RAMP1: variants seen among roughly 807,000 people sequenced by gnomAD.
RAMP1 encodes receptor activity modifying protein 1.
A neutral mutation model predicts 8.2 loss-of-function variants in RAMP1; 7 were observed. The observed-to-expected ratio is 0.85, with a 90% CI of 0.49 to 1.60. The LOEUF (loss-of-function observed/expected upper bound fraction) is 1.60. Among genes scored for constraint, RAMP1 ranks in the 40% most tolerant of loss-of-function variants. The probability of loss-of-function intolerance (pLI) is 0.00; values close to 1 mark genes in which losing one functional copy is unlikely to be tolerated. For missense variants in RAMP1, 192 were observed against 202.4 expected (o/e 0.95, Z 0.31); for synonymous variants, 92 against 84.7 (o/e 1.09, Z -0.47).
In RAMP1 at chr2:237,895,195, C is replaced by T. The variant is rs570666548; in HGVS notation, c.192-16333C>T. On this transcript the variant is annotated intron_variant, in intron 2 of 2. Coordinates refer to ENST00000254661, the MANE Select transcript of RAMP1 (RefSeq NM_005855.4). Reference sequence around the variant, plus strand: ...GAGTCAGGAGCGAGACAGGAGGCCACGTGTTGCCTGCCTGTGTGGGGCTCC... The same window carrying T: ...GAGTCAGGAGCGAGACAGGAGGCCATGTGTTGCCTGCCTGTGTGGGGCTCC... Among the ~76,000 whole-genome samples the T allele has an allele frequency of 5.9e-5, 9 of 152,258 alleles. No homozygotes were observed. The South Asian group carries it at 1.2e-3, about 21-fold the overall frequency.
chr2:237,909,895 C>G (rs1043485162), intron 2 of RAMP1, among the ~76,000 whole-genome samples: 3 of 152,054 alleles, frequency 2.0e-5, no homozygotes, highest in African/African-American at 7.2e-5. Context: ...GCTGTGGCTT[C>G]GAGGGTTAAA....
intron 2 of RAMP1, among the ~76,000 whole-genome samples, chr2:237,887,352 G>A (rs1454079297): frequency 2.6e-5 from 4 of 152,226 alleles, no homozygotes; most frequent in South Asian, 2.1e-4. Flanking sequence ...CCAGGGAGCA[G>A]TGGCACCTCA....
chr2:237,881,248 CCTT>C (rs2062364843), intron 2 of RAMP1, among the ~76,000 whole-genome samples: 1 of 152,206 alleles, frequency 6.6e-6, no homozygotes, highest in South Asian at 2.1e-4. Flanking sequence ...GGAGCCTCCT[CCTT>C]CATTTTTACA....
At chr2:237,864,947 C>G (rs1040729866) in intron 1 of RAMP1, among the ~76,000 whole-genome samples, 1 of 152,140 alleles carries the variant, frequency 6.6e-6, no homozygotes, top group South Asian at 2.1e-4. Context: ...GGCTTTGAGC[C>G]GAAGCTGGTG....
At chr2:237,859,984 G>A (rs2062116914) in intron 1 of RAMP1, 1 of 407,382 alleles carries the variant, frequency 2.5e-6, no homozygotes, top group Admixed American at 4.7e-5. Flanking sequence ...TCGGAGAGCG[G>A]GCATTCTGGA....
intron 2 of RAMP1, among the ~76,000 whole-genome samples, chr2:237,908,322 C>A (rs1028413355): frequency 1.3e-5 from 2 of 152,152 alleles, no homozygotes; most frequent in East Asian, 3.9e-4. Context: ...GCCCTTCACC[C>A]CAGCATTCCT....
intron 1 of RAMP1, among the ~76,000 whole-genome samples, chr2:237,861,188 G>A (rs1038274517): frequency 6.6e-6 from 1 of 152,086 alleles, no homozygotes; most frequent in South Asian, 2.1e-4. Flanking sequence ...ACTATGTCAC[G>A]ATCACATATA....
intron 1 of RAMP1, among the ~76,000 whole-genome samples, chr2:237,868,626 T>C (rs2062213804): frequency 6.6e-6 from 1 of 151,246 alleles, no homozygotes; most frequent in Non-Finnish European, 1.5e-5. Context: ...TTACTTACTC[T>C]ACACTTTTTC....
intron 2 of RAMP1, among the ~76,000 whole-genome samples, chr2:237,904,578 A>G (rs2062635718): frequency 6.6e-6 from 1 of 152,230 alleles, no homozygotes; most frequent in Non-Finnish European, 1.5e-5. Context: ...ACTGCACTCC[A>G]GCCCGAGCAA....
At chr2:237,868,187 G>A (rs977746324) in intron 1 of RAMP1, among the ~76,000 whole-genome samples, 2 of 152,020 alleles carry the variant, frequency 1.3e-5, no homozygotes, top group African/African-American at 4.8e-5. Flanking sequence ...GGGATTACTG[G>A]TGCCTGCCAC....
chr2:237,905,653 A>G (rs1278243504), intron 2 of RAMP1, among the ~76,000 whole-genome samples: 1 of 152,196 alleles, frequency 6.6e-6, no homozygotes, highest in African/African-American at 2.4e-5. Flanking sequence ...TCTGCAGAAC[A>G]CCAAAAACTA....
intron 2 of RAMP1, among the ~76,000 whole-genome samples, chr2:237,909,025 C>T (rs777736095): frequency 1.2e-4 from 18 of 152,144 alleles, no homozygotes; most frequent in Non-Finnish European, 2.1e-4. Context: ...ATCATGGATA[C>T]GGGGGTGAAG....
At chr2:237,870,711 G>C (rs2062236511) in intron 1 of RAMP1, among the ~76,000 whole-genome samples, 1 of 152,198 alleles carries the variant, frequency 6.6e-6, no homozygotes, top group Non-Finnish European at 1.5e-5. Context: ...CAGGACCAAG[G>C]CTGGGGAGGA....
At chr2:237,911,497 A>G (rs377721152) in intron 2 of RAMP1, 31 bp from the exon 3 acceptor site, 3 of 1,609,682 alleles carry the variant, frequency 1.9e-6, no homozygotes, top group African/African-American at 1.3e-5. Context: ...CCGCCTGCCC[A>G]GGGTCTTACC....
rs2062721276 is a variant in RAMP1, at chr2:237,911,994, G to A, written c.*211G>A. 1 of 790,804 alleles carries A rather than the reference G, an allele frequency of 1.3e-6. No individual in the cohort carries two copies. The highest frequency in any genetic ancestry group is 2.7e-5 in the East Asian group (1 of 36,760). 49.0% of individuals were successfully genotyped at this position (790,804 alleles called of 1,614,324 possible). A position where few individuals can be genotyped will look rare whatever the true frequency, so the allele number is the denominator to read the frequency against. ...CTGGAGGCCACCGCCACCCTAGGAA[G>A]GGGGCAGGGACGTGACCTTGACTTA... On this transcript the variant is annotated 3_prime_UTR_variant, in exon 3 of 3. Coordinates refer to ENST00000254661, the MANE Select transcript of RAMP1 (RefSeq NM_005855.4).
intron 1 of RAMP1, among the ~76,000 whole-genome samples, chr2:237,875,703 C>G (rs1485732697): frequency 6.6e-6 from 1 of 152,186 alleles, no homozygotes; most frequent in African/African-American, 2.4e-5. Flanking sequence ...GTGCAGGGCT[C>G]AGCCTCTCTG....
chr2:237,910,810 CAAAG>C (rs1162154563), intron 2 of RAMP1, among the ~76,000 whole-genome samples: 1 of 151,664 alleles, frequency 6.6e-6, no homozygotes, highest in Non-Finnish European at 1.5e-5. Flanking sequence ...CACACAGTCA[CAAAG>C]AGAATAATAG....
At chr2:237,875,692 C>A (rs3820796) in intron 1 of RAMP1, among the ~76,000 whole-genome samples, 3 of 152,198 alleles carry the variant, frequency 2.0e-5, no homozygotes, top group Admixed American at 6.5e-5. Flanking sequence ...GCCTCAGCCC[C>A]GTGCAGGGCT....
intron 2 of RAMP1, among the ~76,000 whole-genome samples, chr2:237,881,412 A>C (rs1576543122): frequency 6.6e-6 from 1 of 152,328 alleles, no homozygotes; most frequent in East Asian, 1.9e-4. Flanking sequence ...TTTTCCCAGC[A>C]CTGGAGCTGA....
Sources: allele counts gnomAD v4.1 joint callset (sites outside exome capture counted in the v4.1 genomes callset), GRCh38; gene constraint gnomAD v4.1.1; transcripts MANE v1.5; gene names NCBI Gene and HGNC (gene_info 2026-07-23, HGNC 2026-07-21).